GABRG3: variants seen among roughly 807,000 people sequenced by gnomAD.
GABRG3 encodes gamma-aminobutyric acid type A receptor subunit gamma3.
GABRG3 carries 25 observed loss-of-function variants against 48.8 expected under a neutral mutation model. The observed-to-expected ratio is 0.51, with a 90% CI of 0.37 to 0.72. The LOEUF (loss-of-function observed/expected upper bound fraction) is 0.72, where lower values mean the gene tolerates loss of function less well. Ranked by LOEUF, GABRG3 falls within the 30% of genes least tolerant of loss-of-function variation. GABRG3 has a pLI of 0.00. For synonymous variants in GABRG3, 227 were observed against 217.6 expected (o/e 1.04, Z -0.38); for missense variants, 394 against 577.9 (o/e 0.68, Z 3.26).
At chr15:27,389,332 G>A (rs192073820) in intron 5 of GABRG3, among the ~76,000 whole-genome samples, 5 of 152,298 alleles carry the variant, frequency 3.3e-5, no homozygotes, top group African/African-American at 1.2e-4. Context: ...TTATGATAGC[G>A]TAGATCAATG....
rs760781076 is a variant in GABRG3 at position 27,534,098 on chromosome 15, G to A, written c.*1217G>A. On this transcript the variant is annotated 3_prime_UTR_variant, in exon 10 of 10. Coordinates refer to ENST00000615808, the MANE Select transcript of GABRG3 (RefSeq NM_033223.5). Reference sequence around the variant, plus strand: ...GCTGGTCTCGAACTCCTGACCTCAGGTGATCTGCCCGCCTCAGCCTCCCAA... The same window carrying A: ...GCTGGTCTCGAACTCCTGACCTCAGATGATCTGCCCGCCTCAGCCTCCCAA... The A allele has an allele frequency of 6.6e-6, 1 of 151,656 alleles. No individual in the cohort carries two copies. Among genetic ancestry groups the A allele is most frequent in the Non-Finnish European group, 1.5e-5 (1 of 67,956 alleles). 9.4% of individuals were successfully genotyped at this position (151,656 alleles called of 1,614,324 possible).
rs767744574 is a variant in GABRG3 at position 27,294,159 on chromosome 15, G to A, written c.271-32650G>A. On this transcript the variant is annotated intron_variant, in intron 3 of 9. Transcript: ENST00000615808. Reference sequence around the variant, plus strand: ...ACATGCCCAGATTGCAGCAAGTCCAGGCAAGAGCCCAGATCCCTGTCATCT... The same window carrying A: ...ACATGCCCAGATTGCAGCAAGTCCAAGCAAGAGCCCAGATCCCTGTCATCT... Among the ~76,000 whole-genome samples the A allele has an allele frequency of 6.7e-4, 102 of 151,852 alleles. 1 individual carries two copies. Among genetic ancestry groups the A allele is most frequent in the Middle Eastern group, 3.2e-3 (1 of 316 alleles).
In GABRG3 at chr15:27,009,173, G is replaced by A. The variant is rs560229910; in HGVS notation, c.203-17581G>A. Among the ~76,000 whole-genome samples the A allele has an allele frequency of 5.9e-5, 9 of 152,256 alleles. No individual in the cohort carries two copies. In the East Asian group the frequency reaches 1.7e-3, roughly 30 times the overall value. The stretch of plus-strand genomic sequence containing the variant: ...ACAGGTGCACACTGGACTGCTGCGG[G>A]CTCCTCTAGGTTGACATAAAGAATT... On this transcript the variant is annotated intron_variant, in intron 2 of 9. Transcript: ENST00000615808.
rs1282566859 is a variant in GABRG3, at chr15:27,248,801, C to CAGAGAG, written c.271-78007_271-78006insGAGAGA. ...ACACACACACACACACACACACACA[C>CAGAGAG]ACAGAGAGAGAGAGAGAGAGAGAGA... is the stretch of plus-strand genomic sequence containing the variant. On this transcript the variant is annotated intron_variant, in intron 3 of 9. Transcript: ENST00000615808. Among the ~76,000 whole-genome samples, 14 of 120,640 alleles carry CAGAGAG rather than the reference C, an allele frequency of 1.2e-4. No homozygotes were observed. The South Asian group carries it at 3.1e-3, about 27-fold the overall frequency. The allele number at this position is 120,640 out of a possible 152,430, so 79.1% of individuals were successfully genotyped here. A position where few individuals can be genotyped will look rare whatever the true frequency, so the allele number is the denominator to read the frequency against.
chr15:27,306,980 AT>A (rs1566769603), intron 3 of GABRG3, among the ~76,000 whole-genome samples: 60 of 45,026 alleles, frequency 1.3e-3, no homozygotes, highest in African/African-American at 3.4e-3. Context: ...AACATATATA[AT>A]ATAAACATGT....
chr15:27,463,772 G>A (rs1889520254), intron 5 of GABRG3, among the ~76,000 whole-genome samples: 1 of 152,128 alleles, frequency 6.6e-6, no homozygotes, highest in Non-Finnish European at 1.5e-5. Flanking sequence ...TGAAAAGCTT[G>A]GCAATTTAGA....
intron 3 of GABRG3, among the ~76,000 whole-genome samples, chr15:27,297,759 T>C (rs1892048769): frequency 6.6e-6 from 1 of 152,150 alleles, no homozygotes; most frequent in African/African-American, 2.4e-5. Context: ...AAAACATAGA[T>C]TATATAAAAT....
At chr15:27,098,831 T>C (rs923696287) in intron 3 of GABRG3, among the ~76,000 whole-genome samples, 4 of 151,918 alleles carry the variant, frequency 2.6e-5, no homozygotes, top group Non-Finnish European at 5.9e-5. Flanking sequence ...AGTCTTCTAG[T>C]GCCAGTCAAG....
chr15:27,142,398 A>C (rs1484364070), intron 3 of GABRG3, among the ~76,000 whole-genome samples: 1 of 152,178 alleles, frequency 6.6e-6, no homozygotes, highest in East Asian at 1.9e-4. Context: ...CATGGATGGC[A>C]GTTGGCAAAG....
intron 3 of GABRG3, among the ~76,000 whole-genome samples, chr15:27,295,656 G>A (rs1891957699): frequency 1.3e-5 from 2 of 152,198 alleles, no homozygotes; most frequent in African/African-American, 4.8e-5. Flanking sequence ...GAGACTCTCA[G>A]CAGAAGTTCT....
At chr15:27,306,650 ATATATATGAACATGTTTATATATAAAC>A (rs1566768663) in intron 3 of GABRG3, among the ~76,000 whole-genome samples, 3 of 58,752 alleles carry the variant, frequency 5.1e-5, no homozygotes, top group Non-Finnish European at 1.1e-4. Context: ...ATATATAAAC[ATATATATGAACATGTTTATATATAAAC>A]ATATATATGA....
At chr15:27,286,645 A>C (rs764872752) in intron 3 of GABRG3, among the ~76,000 whole-genome samples, 4 of 152,226 alleles carry the variant, frequency 2.6e-5, no homozygotes, top group Non-Finnish European at 4.4e-5. Context: ...GGGAAAATGG[A>C]CAAGAAGCAT....
At chr15:27,168,094 C>G (rs1376615765) in intron 3 of GABRG3, among the ~76,000 whole-genome samples, 1 of 151,586 alleles carries the variant, frequency 6.6e-6, no homozygotes, top group African/African-American at 2.4e-5. Flanking sequence ...GGTCATAAAG[C>G]TGTTGTGAGT....
chr15:27,068,320 T>C (rs991613625), intron 3 of GABRG3, among the ~76,000 whole-genome samples: 1 of 152,146 alleles, frequency 6.6e-6, no homozygotes, highest in Non-Finnish European at 1.5e-5. Context: ...CTGGGGAAAC[T>C]GCTGCAGGAG....
At chr15:27,465,238 C>T (rs1471067238) in intron 5 of GABRG3, among the ~76,000 whole-genome samples, 3 of 152,198 alleles carry the variant, frequency 2.0e-5, no homozygotes, top group African/African-American at 4.8e-5. Flanking sequence ...ATCAGTGGCA[C>T]TCTTTGGAGA....
intron 5 of GABRG3, among the ~76,000 whole-genome samples, chr15:27,408,781 A>G (rs968705980): frequency 2.0e-5 from 3 of 152,148 alleles, no homozygotes; most frequent in African/African-American, 7.2e-5. Context: ...ATATTATAAG[A>G]TAAACATTCA....
At chr15:27,035,176 C>T (rs1485261453) in intron 3 of GABRG3, among the ~76,000 whole-genome samples, 1 of 152,190 alleles carries the variant, frequency 6.6e-6, no homozygotes, top group Admixed American at 6.5e-5. Flanking sequence ...TGTAAAACTG[C>T]TTAATTTTAA....
chr15:27,248,690 A>AT (rs750845619), intron 3 of GABRG3, among the ~76,000 whole-genome samples: 12 of 151,954 alleles, frequency 7.9e-5, no homozygotes, highest in Non-Finnish European at 1.2e-4. Context: ...GCCTTAAAAT[A>AT]TTCAAATCAG....
intron 5 of GABRG3, among the ~76,000 whole-genome samples, chr15:27,351,600 G>A (rs1894601273): frequency 6.7e-6 from 1 of 149,608 alleles, no homozygotes; most frequent in South Asian, 2.1e-4. Flanking sequence ...TATGGCGTTT[G>A]TGTGTGTATG....
Sources: allele counts gnomAD v4.1 joint callset (sites outside exome capture counted in the v4.1 genomes callset), GRCh38; gene constraint gnomAD v4.1.1; transcripts MANE v1.5; gene names NCBI Gene and HGNC (gene_info 2026-07-23, HGNC 2026-07-21).